Variants in CCDC149 observed in about 807,000 individuals in gnomAD.
CCDC149 encodes coiled-coil domain containing 149.
In CCDC149, 45 loss-of-function variants were observed where a neutral mutation model predicts 59.9. The observed-to-expected ratio is 0.75, with a 90% CI of 0.59 to 0.96. The LOEUF (loss-of-function observed/expected upper bound fraction) is 0.96. CCDC149 is among the 40% of genes least tolerant of loss of function. The pLI is 0.00. For synonymous variants in CCDC149, 245 were observed against 260.6 expected, an observed-to-expected ratio of 0.94 and a Z score of 0.58; for missense variants, 584 against 664.7, an observed-to-expected ratio of 0.88 and a Z score of 1.33.
intron 1 of CCDC149, among the ~76,000 whole-genome samples, chr4:24,953,048 C>A (rs1723361508): frequency 6.6e-6 from 1 of 152,092 alleles, no homozygotes; most frequent in Admixed American, 6.5e-5. Flanking sequence ...GTGAGAGCAA[C>A]CTGACCCTCC....
intron 1 of CCDC149, among the ~76,000 whole-genome samples, chr4:24,966,395 C>G (rs1723798732): frequency 6.6e-6 from 1 of 152,034 alleles, no homozygotes; most frequent in African/African-American, 2.4e-5. Flanking sequence ...TTCTGTGTCC[C>G]CAAGTGCCTT....
upstream of CCDC149, among the ~76,000 whole-genome samples, chr4:24,916,378 AAAAC>A (rs1329079265): frequency 1.3e-5 from 2 of 152,238 alleles, no homozygotes; most frequent in African/African-American, 4.8e-5. Flanking sequence ...CAGACTGATG[AAAAC>A]AAACAAACAA....
chr4:24,906,564 A>G (rs1376448294), intron 1 of CCDC149, among the ~76,000 whole-genome samples: 1 of 151,244 alleles, frequency 6.6e-6, no homozygotes, highest in Non-Finnish European at 1.5e-5. Flanking sequence ...CGCCCAGCTG[A>G]TTTTTGCATT....
intron 12 of CCDC149, among the ~76,000 whole-genome samples, chr4:24,811,864 C>A (rs1330578926): frequency 4.2e-5 from 5 of 118,502 alleles, no homozygotes; most frequent in African/African-American, 1.6e-4. Flanking sequence ...CAGAGTGAGA[C>A]TCCGACTCAA....
At chr4:24,861,877 A>G (rs1007979835) in intron 3 of CCDC149, among the ~76,000 whole-genome samples, 1 of 152,162 alleles carries the variant, frequency 6.6e-6, no homozygotes, top group Non-Finnish European at 1.5e-5. Context: ...ACCACCCTAA[A>G]TGATGCCACT....
chr4:24,822,755 G>A, intron 9 of CCDC149, 182 bp from the exon 10 acceptor site: 2 of 430,282 alleles, frequency 4.6e-6, no homozygotes, highest in South Asian at 1.3e-4. Context: ...TATACAAATA[G>A]AAAGTACAGT....
chr4:24,891,371 C>T (rs1720521768), intron 1 of CCDC149, among the ~76,000 whole-genome samples: 1 of 152,160 alleles, frequency 6.6e-6, no homozygotes, highest in Non-Finnish European at 1.5e-5. Flanking sequence ...GCTGATTATG[C>T]TAGCAAAAGG....
intron 1 of CCDC149, among the ~76,000 whole-genome samples, chr4:24,884,492 T>C (rs190211217): frequency 1.3e-5 from 2 of 152,366 alleles, no homozygotes; most frequent in East Asian, 1.9e-4. Context: ...GTATAGCTAA[T>C]AGATGGTAAT....
Position 24,846,933 on chromosome 4 carries a change from C to T in CCDC149, c.372+6139G>A, listed in dbSNP as rs188452372. 1.7e-3 allele frequency among the ~76,000 whole-genome samples: 255 copies of T among 152,330 alleles called. 1 individual carries two copies. The highest frequency in any genetic ancestry group is 9.4e-4 in the Non-Finnish European group (64 of 68,040). ...GTAAACAGACAAGAAGACCAACTGC[C>T]ATCTGTCCCAGTGGGAACATGAATT... On this transcript the variant is annotated intron_variant, in intron 4 of 12. Coordinates refer to ENST00000635206, the MANE Select transcript of CCDC149 (RefSeq NM_001330643.2).
intron 1 of CCDC149, among the ~76,000 whole-genome samples, chr4:24,931,359 G>A (rs1448803836): frequency 1.4e-5 from 2 of 142,796 alleles, no homozygotes; most frequent in Admixed American, 1.4e-4. Context: ...CTATGCCACA[G>A]AGCAAAATTA....
At chr4:24,891,901 A>G (rs1027984164) in intron 1 of CCDC149, among the ~76,000 whole-genome samples, 3 of 152,068 alleles carry the variant, frequency 2.0e-5, no homozygotes, top group Non-Finnish European at 4.4e-5. Context: ...TGGGAGGCTG[A>G]GGTGGGAGGA....
At chr4:24,887,909 C>G (rs1319377707) in intron 1 of CCDC149, among the ~76,000 whole-genome samples, 1 of 152,178 alleles carries the variant, frequency 6.6e-6, no homozygotes, top group African/African-American at 2.4e-5. Flanking sequence ...CTCTTCTACT[C>G]CCGCCCTCCA....
intron 1 of CCDC149, among the ~76,000 whole-genome samples, chr4:24,896,138 G>A (rs902408637): frequency 6.6e-6 from 1 of 152,216 alleles, no homozygotes; most frequent in Admixed American, 6.5e-5. Context: ...TTCTTGCTGA[G>A]TGACCATAAA....
intron 9 of CCDC149, among the ~76,000 whole-genome samples, chr4:24,825,342 C>T (rs1715659458): frequency 6.6e-6 from 1 of 152,178 alleles, no homozygotes; most frequent in African/African-American, 2.4e-5. Flanking sequence ...CAGATGCTCC[C>T]TTGGTGTCCT....
intron 1 of CCDC149, among the ~76,000 whole-genome samples, chr4:24,928,781 G>C (rs1286566928): frequency 6.6e-6 from 1 of 152,196 alleles, no homozygotes; most frequent in Non-Finnish European, 1.5e-5. Context: ...TCACAGGGCA[G>C]AGGTGTCTTC....
chr4:24,962,530 A>G (rs1723663549), intron 1 of CCDC149, among the ~76,000 whole-genome samples: 1 of 152,240 alleles, frequency 6.6e-6, no homozygotes, highest in South Asian at 2.1e-4. Flanking sequence ...TGGCACATAT[A>G]CACCATGGAA....
chr4:24,817,457 A>AT (rs1165543107), intron 12 of CCDC149, among the ~76,000 whole-genome samples: 2 of 151,964 alleles, frequency 1.3e-5, no homozygotes, highest in African/African-American at 4.8e-5. Flanking sequence ...CAAATCCCAG[A>AT]TATGTCCTGG....
intron 1 of CCDC149, among the ~76,000 whole-genome samples, chr4:24,893,980 CTTCA>C: frequency 1.3e-5 from 2 of 152,080 alleles, no homozygotes; most frequent in Non-Finnish European, 2.9e-5. Context: ...TCATTCATTC[CTTCA>C]TTCACTCATT....
In CCDC149 at chr4:24,908,756, G is replaced by T. The variant is rs1721693936; in HGVS notation, c.63+4061C>A. On this transcript the variant is annotated intron_variant, in intron 1 of 12. Coordinates refer to ENST00000635206, the MANE Select transcript of CCDC149 (RefSeq NM_001330643.2). ...TCTCTACTTTGGGCGGAGGCCCATG[G>T]TTAACTGTCTTCTGCCTCCTGGCCC... 2.0e-5 allele frequency among the ~76,000 whole-genome samples: 3 copies of T among 152,202 alleles called. No homozygotes were observed. The South Asian group carries it at 6.2e-4, about 32-fold the overall frequency.
Sources: allele counts gnomAD v4.1 joint callset (sites outside exome capture counted in the v4.1 genomes callset), GRCh38; gene constraint gnomAD v4.1.1; transcripts MANE v1.5; gene names NCBI Gene and HGNC (gene_info 2026-07-23, HGNC 2026-07-21).